The following SEMA3E variants were observed in gnomAD, a reference collection of about 807,000 sequenced individuals.
SEMA3E encodes semaphorin 3E, also known as semaphorin-3E.
Under a neutral mutation model 93.6 loss-of-function variants are expected in SEMA3E, and 49 were observed. The observed-to-expected ratio is 0.52, with a 90% CI of 0.42 to 0.66. The LOEUF is 0.66. Among genes scored for constraint, SEMA3E ranks in the 30% least tolerant of loss-of-function variants. The pLI, the probability that SEMA3E is intolerant of heterozygous loss-of-function variation, is 0.00. For synonymous variants in SEMA3E, 363 were observed against 330.7 expected, an observed-to-expected ratio of 1.10 and a Z score of -1.06; for missense variants, 906 against 964.8, an observed-to-expected ratio of 0.94 and a Z score of 0.81.
intron 2 of SEMA3E, among the ~76,000 whole-genome samples, chr7:83,485,973 G>T (rs1013477951): frequency 2.6e-5 from 4 of 152,240 alleles, no homozygotes; most frequent in Admixed American, 6.5e-5. Flanking sequence ...AAAGGCTTTG[G>T]CTACATTTTC....
Position 83,382,960 on chromosome 7 carries a change from A to G in SEMA3E, c.1875+2334T>C, listed in dbSNP as rs533948473. Among the ~76,000 whole-genome samples, 75 of 152,134 alleles carry G rather than the reference A, an allele frequency of 4.9e-4. 2 individuals are homozygous for G. The South Asian group carries it at 0.012, about 25-fold the overall frequency. ...TAATTTGGGCAAAAACTTTATCCAC[A>G]TGAATATGTTGCTTCTGGATAACTC... is the stretch of plus-strand genomic sequence containing the variant. On this transcript the variant is annotated intron_variant, in intron 16 of 16. Transcript: ENST00000643230.
At chr7:83,371,516 AT>A (rs1188709993) in intron 16 of SEMA3E, 1 of 152,190 alleles carries the variant, frequency 6.6e-6, no homozygotes, top group Non-Finnish European at 1.5e-5. Flanking sequence ...TTTATCTTTA[AT>A]TTTGGTTCAA....
intron 4 of SEMA3E, among the ~76,000 whole-genome samples, chr7:83,425,717 A>G (rs1788757019): frequency 6.6e-6 from 1 of 152,130 alleles, no homozygotes; most frequent in Non-Finnish European, 1.5e-5. Context: ...ATCATTCTGA[A>G]TATCTCTTTC....
intron 3 of SEMA3E, among the ~76,000 whole-genome samples, chr7:83,468,971 T>A (rs1031608865): frequency 7.2e-5 from 11 of 152,026 alleles, no homozygotes; most frequent in Non-Finnish European, 1.6e-4. Flanking sequence ...ACATGAGAAA[T>A]AAGCATTAGT....
At chr7:83,473,304 C>T (rs1167577759) in intron 2 of SEMA3E, among the ~76,000 whole-genome samples, 2 of 152,148 alleles carry the variant, frequency 1.3e-5, no homozygotes, top group African/African-American at 2.4e-5. Flanking sequence ...CAGCCTTTTC[C>T]AGTCCAGTGT....
chr7:83,473,808 T>G (rs1789951976), intron 2 of SEMA3E, among the ~76,000 whole-genome samples: 1 of 152,038 alleles, frequency 6.6e-6, no homozygotes, highest in African/African-American at 2.4e-5. Context: ...ATTCAGCTTT[T>G]TTAGGACAGG....
chr7:83,392,505 T>G, intron 14 of SEMA3E, 50 bp downstream of exon 14: 1 of 1,539,176 alleles, frequency 6.5e-7, no homozygotes, highest in Non-Finnish European at 8.9e-7. Flanking sequence ...AAAAAAAGCA[T>G]TAGGGTTTTC....
At chr7:83,519,676 T>G (rs1488851443) in intron 1 of SEMA3E, among the ~76,000 whole-genome samples, 1 of 152,168 alleles carries the variant, frequency 6.6e-6, no homozygotes, top group Admixed American at 6.6e-5. Context: ...TTTATCATAC[T>G]GAGTTTTAAT....
At chr7:83,606,793 A>C in intron 1 of SEMA3E, among the ~76,000 whole-genome samples, 1 of 151,370 alleles carries the variant, frequency 6.6e-6, no homozygotes, top group Non-Finnish European at 1.5e-5. Flanking sequence ...AAAAAATCAG[A>C]TTTGAAATTA....
chr7:83,560,381 TCAAAA>T (rs997225914), intron 1 of SEMA3E, among the ~76,000 whole-genome samples: 13 of 152,066 alleles, frequency 8.5e-5, no homozygotes, highest in Non-Finnish European at 1.9e-4. Context: ...CTAAAACTGC[TCAAAA>T]CAAAACAGTT....
At chr7:83,396,516 A>T (rs894953524) in intron 12 of SEMA3E, 122 bp downstream of exon 12, 21 of 643,734 alleles carry the variant, frequency 3.3e-5, no homozygotes, top group Non-Finnish European at 5.3e-5. Flanking sequence ...CTTCACTTAT[A>T]TTAGCTCTGA....
At chr7:83,419,221 C>T (rs1011198622) in intron 4 of SEMA3E, among the ~76,000 whole-genome samples, 1 of 152,146 alleles carries the variant, frequency 6.6e-6, no homozygotes, top group African/African-American at 2.4e-5. Flanking sequence ...CTGAAATGGA[C>T]ATGATTTCAT....
chr7:83,594,173 T>C (rs73380769), intron 1 of SEMA3E, among the ~76,000 whole-genome samples: 2,753 of 152,270 alleles, frequency 0.018, 83 homozygotes, highest in African/African-American at 0.063. Context: ...AGTATTTTTA[T>C]GCTGTCTGTC....
chr7:83,518,348 T>C (rs1790976540), intron 1 of SEMA3E, among the ~76,000 whole-genome samples: 1 of 151,752 alleles, frequency 6.6e-6, no homozygotes, highest in South Asian at 2.1e-4. Context: ...AGTGAGTACT[T>C]ACAAGTCATA....
At chr7:83,426,570 G>A (rs1782494173) in intron 4 of SEMA3E, among the ~76,000 whole-genome samples, 1 of 151,906 alleles carries the variant, frequency 6.6e-6, no homozygotes, top group East Asian at 1.9e-4. Context: ...TAACCTTTGG[G>A]GACTATTCTC....
chr7:83,470,911 T>A (rs1584270888), intron 2 of SEMA3E, among the ~76,000 whole-genome samples: 1 of 148,058 alleles, frequency 6.8e-6, no homozygotes, highest in Non-Finnish European at 1.5e-5. Flanking sequence ...TTTATTAACA[T>A]TCAAACTCCC....
chr7:83,531,471 G>A (rs1791300089), intron 1 of SEMA3E, among the ~76,000 whole-genome samples: 1 of 147,260 alleles, frequency 6.8e-6, no homozygotes, highest in Non-Finnish European at 1.5e-5. Context: ...CTCAGCCTCT[G>A]GTTCCAGAGT....
At chr7:83,545,868 A>G (rs1464831637) in intron 1 of SEMA3E, among the ~76,000 whole-genome samples, 1 of 139,926 alleles carries the variant, frequency 7.1e-6, no homozygotes, top group Non-Finnish European at 1.5e-5. Flanking sequence ...TCTATATAAC[A>G]TTATATATTA....
chr7:83,642,383 G>T (rs538255939), intron 1 of SEMA3E, among the ~76,000 whole-genome samples: 1 of 152,220 alleles, frequency 6.6e-6, no homozygotes, highest in African/African-American at 2.4e-5. Flanking sequence ...ATGAAGGAAA[G>T]ATATCAATTC....
Sources: gnomAD v4.1 joint callset for allele counts (sites outside exome capture counted in the v4.1 genomes callset) on GRCh38, gnomAD v4.1.1 for gene constraint, MANE v1.5 for transcripts, NCBI Gene and HGNC (gene_info 2026-07-23, HGNC 2026-07-21) for gene names.